JAKMIP2: variants seen among roughly 807,000 people sequenced by gnomAD.
The protein encoded by JAKMIP2 is janus kinase and microtubule interacting protein 2, also known as janus kinase and microtubule-interacting protein 2.
Under a neutral mutation model 115.0 loss-of-function variants are expected in JAKMIP2, and 25 were observed. That is an observed-to-expected ratio of 0.22 (90% CI 0.16 to 0.30). The LOEUF (loss-of-function observed/expected upper bound fraction) is 0.30, where lower values mean the gene tolerates loss of function less well. Ranked by LOEUF, JAKMIP2 falls within the 10% of genes least tolerant of loss-of-function variation. The pLI, the probability that JAKMIP2 is intolerant of heterozygous loss-of-function variation, is 1.00. For missense variants in JAKMIP2, 642 were observed against 957.6 expected (o/e 0.67, Z 4.35); for synonymous variants, 334 against 343.6 (o/e 0.97, Z 0.31).
chr5:147,592,761 T>A (rs1221062613), intron 21 of JAKMIP2, among the ~76,000 whole-genome samples: 1 of 152,152 alleles, frequency 6.6e-6, no homozygotes, highest in Non-Finnish European at 1.5e-5. Flanking sequence ...ATTCCAGAAA[T>A]GTTAAATCCA....
intron 1 of JAKMIP2, among the ~76,000 whole-genome samples, chr5:147,708,911 G>A (rs913870094): frequency 1.3e-5 from 2 of 152,126 alleles, no homozygotes; most frequent in East Asian, 3.9e-4. Context: ...TGGCAAGTTG[G>A]CCTTACTCTT....
intron 1 of JAKMIP2, among the ~76,000 whole-genome samples, chr5:147,722,676 T>C (rs1165317827): frequency 6.6e-6 from 1 of 152,188 alleles, no homozygotes; most frequent in African/African-American, 2.4e-5. Context: ...TTCGGTATTA[T>C]TAGAAATGAA....
In JAKMIP2 at chr5:147,605,606, T is replaced by C. The variant is rs1341288272; in HGVS notation, c.2413-3795A>G. The stretch of plus-strand genomic sequence containing the variant: ...AATAGTGCTGCAATAAACATACGTG[T>C]GCATAGGTCTTTATAGTAGAATGAT... On this transcript the variant is annotated intron_variant, in intron 20 of 21. Transcript: ENST00000616793. Among the ~76,000 whole-genome samples the C allele has an allele frequency of 5.9e-5, 9 of 152,324 alleles. No individual in the cohort carries two copies. In the East Asian group the frequency reaches 1.5e-3, roughly 26 times the overall value.
chr5:147,686,869 C>T (rs868704407), intron 1 of JAKMIP2, among the ~76,000 whole-genome samples: 1 of 152,130 alleles, frequency 6.6e-6, no homozygotes, highest in South Asian at 2.1e-4. Context: ...TTACCTGGCA[C>T]ATGAAACTAG....
Position 147,585,919 on chromosome 5 carries a change from G to T in JAKMIP2, c.*5788C>A, listed in dbSNP as rs941988501. 3 of 151,926 alleles carry T rather than the reference G, an allele frequency of 2.0e-5. No homozygotes were observed. Among genetic ancestry groups the T allele is most frequent in the African/African-American group, 7.2e-5 (3 of 41,384 alleles). The allele number at this position is 151,926 out of a possible 1,614,324, so 9.4% of individuals were successfully genotyped here. On this transcript the variant is annotated 3_prime_UTR_variant, in exon 22 of 22. Transcript: ENST00000616793. ...TAGCTAATAAAGATATGGGACTTTT[G>T]GCTAATTTTAATACTGTAGATTGTG...
chr5:147,604,783 T>C (rs1581271447), intron 20 of JAKMIP2, among the ~76,000 whole-genome samples: 1 of 149,934 alleles, frequency 6.7e-6, no homozygotes, highest in Non-Finnish European at 1.5e-5. Context: ...ATATTCCTGG[T>C]GTCTTGGGCC....
At chr5:147,625,312 A>C (rs1757047132) in intron 16 of JAKMIP2, among the ~76,000 whole-genome samples, 1 of 152,104 alleles carries the variant, frequency 6.6e-6, no homozygotes, top group South Asian at 2.1e-4. Context: ...ACCTGTGATA[A>C]ATTATGCAGC....
chr5:147,750,561 T>TACACACACACACAC (rs151015424), intron 1 of JAKMIP2, among the ~76,000 whole-genome samples: 6,720 of 142,704 alleles, frequency 0.047, 181 homozygotes, highest in Middle Eastern at 0.066. Context: ...TGCCAGAAAA[T>TACACACACACACAC]ACACACACAC....
intron 16 of JAKMIP2, 106 bp downstream of exon 16, chr5:147,628,645 T>G: frequency 3.9e-6 from 3 of 766,794 alleles, no homozygotes; most frequent in Non-Finnish European, 6.6e-6. Context: ...GTATTAGGTA[T>G]TCACACACAG....
chr5:147,745,241 A>C (rs527705992), intron 1 of JAKMIP2, among the ~76,000 whole-genome samples: 11 of 152,190 alleles, frequency 7.2e-5, no homozygotes, highest in Non-Finnish European at 1.3e-4. Flanking sequence ...ACAGCATGTC[A>C]GCAAAATATT....
At chr5:147,596,250 C>G (rs1450091358) in intron 21 of JAKMIP2, among the ~76,000 whole-genome samples, 1 of 151,424 alleles carries the variant, frequency 6.6e-6, no homozygotes, top group Non-Finnish European at 1.5e-5. Context: ...GGAACTTGAT[C>G]CTAACACAGT....
chr5:147,770,428 C>T (rs577661130), intron 1 of JAKMIP2, among the ~76,000 whole-genome samples: 2 of 152,186 alleles, frequency 1.3e-5, no homozygotes, highest in South Asian at 2.1e-4. Context: ...GCTGTCTACA[C>T]AAAATACCCG....
At chr5:147,629,600 A>T in intron 15 of JAKMIP2, 93 bp downstream of exon 15, 2 of 834,482 alleles carry the variant, frequency 2.4e-6, no homozygotes, top group Admixed American at 2.0e-5. Flanking sequence ...ATGGCATCTC[A>T]CTTGCTCTTA....
At chr5:147,702,652 GAAAGAAAGA>G (rs1239220840) in intron 1 of JAKMIP2, among the ~76,000 whole-genome samples, 5 of 118,628 alleles carry the variant, frequency 4.2e-5, no homozygotes, top group Admixed American at 8.5e-5. Context: ...AAGAAAGAAA[GAAAGAAAGA>G]AAGAGAGAGA....
intron 21 of JAKMIP2, among the ~76,000 whole-genome samples, chr5:147,601,150 A>G (rs1441031234): frequency 6.6e-6 from 1 of 152,188 alleles, no homozygotes; most frequent in Non-Finnish European, 1.5e-5. Flanking sequence ...GTGACTTCCC[A>G]AAGTAATACA....
chr5:147,718,490 G>T (rs1466996328), intron 1 of JAKMIP2, among the ~76,000 whole-genome samples: 2 of 151,980 alleles, frequency 1.3e-5, no homozygotes, highest in African/African-American at 2.4e-5. Flanking sequence ...ACTCTTTTTG[G>T]TTGGTAAGCT....
In JAKMIP2 at chr5:147,696,287, A is replaced by C. The variant is rs545064473; in HGVS notation, c.-148-24333T>G. Among the ~76,000 whole-genome samples, 24 of 152,272 alleles carry C rather than the reference A, an allele frequency of 1.6e-4. No individual in the cohort carries two copies. In the East Asian group the frequency reaches 4.4e-3, roughly 28 times the overall value. Reference sequence around the variant, plus strand: ...TCCCCATGTGTCATGGGAGAGGCCCAGTGGAAAGTGATTGGATCATGGGAC... The same window carrying C: ...TCCCCATGTGTCATGGGAGAGGCCCCGTGGAAAGTGATTGGATCATGGGAC... On this transcript the variant is annotated intron_variant, in intron 1 of 21. Coordinates refer to ENST00000616793, the MANE Select transcript of JAKMIP2 (RefSeq NM_001270941.2).
chr5:147,592,235 T>C (rs1179345082), intron 21 of JAKMIP2, among the ~76,000 whole-genome samples: 7 of 152,216 alleles, frequency 4.6e-5, no homozygotes, highest in Admixed American at 1.3e-4. Context: ...CAGTATCTAC[T>C]GTTTCTGCAA....
At chr5:147,690,018 T>G (rs904775053) in intron 1 of JAKMIP2, among the ~76,000 whole-genome samples, 7 of 152,124 alleles carry the variant, frequency 4.6e-5, no homozygotes, top group Non-Finnish European at 1.0e-4. Context: ...AACACTGTCA[T>G]AGTGAAAAAT....
Sources: gnomAD v4.1 joint callset for allele counts (sites outside exome capture counted in the v4.1 genomes callset) on GRCh38, gnomAD v4.1.1 for gene constraint, MANE v1.5 for transcripts, NCBI Gene and HGNC (gene_info 2026-07-23, HGNC 2026-07-21) for gene names.